The following PITX3 variants were observed in gnomAD, a reference collection of about 807,000 sequenced individuals.
PITX3 encodes paired like homeodomain 3, also known as pituitary homeobox 3.
PITX3 carries 4 observed loss-of-function variants against 14.2 expected under a neutral mutation model. The observed-to-expected ratio is 0.28, with a 90% CI of 0.14 to 0.65. The LOEUF is 0.65. PITX3 is among the 30% of genes least tolerant of loss of function. PITX3 has a pLI of 0.82. For missense variants in PITX3, 358 were observed against 426.8 expected (o/e 0.84, Z 1.42); for synonymous variants, 194 against 204.5 (o/e 0.95, Z 0.44).
In PITX3 at chr10:102,230,572, C is replaced by T. The variant is rs774698043; in HGVS notation, c.851G>A (p.Gly284Glu). 1 of 1,611,506 alleles carries T rather than the reference C, an allele frequency of 6.2e-7. No individual in the cohort carries two copies. Among genetic ancestry groups the T allele is most frequent in the Non-Finnish European group, 8.5e-7 (1 of 1,179,142 alleles). The change falls in exon 4 of 4, where the codon GGG becomes GAG. Residue 284 changes from glycine (G) to glutamate (E), a missense_variant. Around this residue, in one of 3 missense-constraint regions of PITX3, gnomAD observed 236 missense variants for 250.2 expected, o/e 0.94. Transcript: ENST00000370002. ...HASFSYPAVH[G>E]PPPAANLSPC... ...ACTAAGGTTGGCTGCCGGGGGCGGC[C>T]CGTGCACAGCGGGGTAGCTGAAGGA...
At position 102,230,577 on chromosome 10, in the gene PITX3, C is replaced by G; in HGVS notation, c.846G>C (p.Val282=). 6.2e-7 allele frequency: 1 copy of G among 1,611,614 alleles called. No individual in the cohort carries two copies. Among genetic ancestry groups the G allele is most frequent in the African/African-American group, 1.3e-5 (1 of 75,040 alleles). ...GGTTGGCTGCCGGGGGCGGCCCGTG[C>G]ACAGCGGGGTAGCTGAAGGAGGCGT... ...KQHASFSYPA[V]HGPPPAANLS... is the part of the protein sequence containing the mutation. The change falls in exon 4 of 4, where the codon GTG becomes GTC. Residue 282 remains valine, a synonymous_variant. Coordinates refer to ENST00000370002, the MANE Select transcript of PITX3 (RefSeq NM_005029.4).
rs922940677 is a variant in PITX3 at position 102,230,356 on chromosome 10, C to T, written c.*158G>A. ...GTAGGGCCTAGTCCACCCCTCAGGG[C>T]TGGGAGGGGAAGGCCCTCTCCTGAG... On this transcript the variant is annotated 3_prime_UTR_variant, in exon 4 of 4. Transcript: ENST00000370002. 4 of 1,156,458 alleles carry T rather than the reference C, an allele frequency of 3.5e-6. No individual in the cohort carries two copies. In the African/African-American group the frequency reaches 6.2e-5, roughly 18 times the overall value. 71.6% of individuals were successfully genotyped at this position (1,156,458 alleles called of 1,614,324 possible). A position where few individuals can be genotyped will look rare whatever the true frequency, so the allele number is the denominator to read the frequency against.
rs1287784542 is a variant in PITX3, at chr10:102,230,457, C to T, written c.*57G>A. 1.9e-6 allele frequency: 3 copies of T among 1,560,068 alleles called. No individual in the cohort carries two copies. Among genetic ancestry groups the T allele is most frequent in the Middle Eastern group, 2.3e-4 (1 of 4,380 alleles). On this transcript the variant is annotated 3_prime_UTR_variant, in exon 4 of 4. Transcript: ENST00000370002. ...CAAGCCAGTCAAAATGACCCCAGTC[C>T]GCGGAGGCTGTGAATCGTTGCCCCC...
chr10:102,231,460 C>T (rs1014872503), intron 3 of PITX3, 128 bp downstream of exon 3: 14 of 658,746 alleles, frequency 2.1e-5, no homozygotes, highest in Non-Finnish European at 3.4e-5. Context: ...GGGGCTGCGG[C>T]CGGGAGCCAG....
intron 1 of PITX3, among the ~76,000 whole-genome samples, chr10:102,238,533 C>T (rs1368669654): frequency 6.6e-6 from 1 of 152,216 alleles, no homozygotes; most frequent in East Asian, 1.9e-4. Context: ...ATTAAGATCC[C>T]TCCTATGGCT....
intron 1 of PITX3, 47 bp from the exon 2 acceptor site, chr10:102,232,139 C>T: frequency 9.3e-7 from 1 of 1,074,490 alleles, no homozygotes; most frequent in Non-Finnish European, 1.4e-6. Context: ...GGTAAAATCT[C>T]CGGCTTAGCT....
chr10:102,241,147 G>T lies in PITX3; in HGVS notation c.-13+186C>A, dbSNP rs529360444. 6.6e-6 allele frequency among the ~76,000 whole-genome samples: 1 copy of T among 152,210 alleles called. No homozygotes were observed. Among genetic ancestry groups the T allele is most frequent in the South Asian group, 2.1e-4 (1 of 4,824 alleles). On this transcript the variant is annotated intron_variant, in intron 1 of 3. Coordinates refer to ENST00000370002, the MANE Select transcript of PITX3 (RefSeq NM_005029.4). The surrounding 1 kb of genome is among the most constrained non-coding windows in gnomAD (Gnocchi z 6.7). ...TGAGTCTCCCCCTTCCCTATCCCCT[G>T]GTTCTTACCCTGAGTTTCCCTTTTC...
chr10:102,237,711 A>G (rs1413741381), intron 1 of PITX3, among the ~76,000 whole-genome samples: 1 of 152,040 alleles, frequency 6.6e-6, no homozygotes, highest in African/African-American at 2.4e-5. Context: ...ATGCAAACAA[A>G]TTTTTCGTTC....
chr10:102,239,596 G>C (rs187400707), intron 1 of PITX3, among the ~76,000 whole-genome samples: 1 of 152,342 alleles, frequency 6.6e-6, no homozygotes, highest in African/African-American at 2.4e-5. Context: ...ATGGACATGG[G>C]AGTATGGGGA....
Position 102,230,483 on chromosome 10 carries a change from G to A in PITX3, c.*31C>T. On this transcript the variant is annotated 3_prime_UTR_variant, in exon 4 of 4. Transcript: ENST00000370002. ...GCGGAGGCTGTGAATCGTTGCCCCC[G>A]CCCTCGGGGATGATCTACGGGCGGG... The A allele has an allele frequency of 1.9e-6, 3 of 1,588,832 alleles. No homozygotes were observed. Among genetic ancestry groups the A allele is most frequent in the East Asian group, 4.6e-5 (2 of 43,800 alleles).
At chr10:102,231,940 C>G in intron 2 of PITX3, 23 bp downstream of exon 2, 2 of 1,588,898 alleles carry the variant, frequency 1.3e-6, no homozygotes, top group East Asian at 4.5e-5. Context: ...ATGTCCTGCA[C>G]CCCCGGAAGG....
intron 3 of PITX3, 22 bp from the exon 4 acceptor site, chr10:102,231,123 G>T (rs1031814958): frequency 6.6e-6 from 10 of 1,509,314 alleles, no homozygotes; most frequent in Middle Eastern, 1.8e-4. Context: ...GGAGAAAGGC[G>T]GTCAGGGCCC....
rs922940677 is a variant in PITX3, at chr10:102,230,356, C to G, written c.*158G>C. On this transcript the variant is annotated 3_prime_UTR_variant, in exon 4 of 4. Transcript: ENST00000370002. ...GTAGGGCCTAGTCCACCCCTCAGGG[C>G]TGGGAGGGGAAGGCCCTCTCCTGAG... The G allele has an allele frequency of 1.7e-6, 2 of 1,156,574 alleles. No homozygotes were observed. The highest frequency in any genetic ancestry group is 3.1e-5 in the African/African-American group (2 of 64,626). 71.6% of individuals were successfully genotyped at this position (1,156,574 alleles called of 1,614,324 possible). A position where few individuals can be genotyped will look rare whatever the true frequency, so the allele number is the denominator to read the frequency against.
chr10:102,231,002 C>T lies in PITX3; in HGVS notation c.421G>A (p.Val141Met), dbSNP rs764331094. The change falls in exon 4 of 4, where the codon GTG (valine) becomes ATG (methionine). Residue 141 changes from valine to methionine, a missense_variant. By Grantham distance (21) the Val-to-Met change is conservative (BLOSUM62 1). Coordinates refer to ENST00000370002, the MANE Select transcript of PITX3 (RefSeq NM_005029.4). ...GSFAAPLGGL[V>M]PPYEEVYPGY... ...GGGTACACCTCCTCGTAGGGCGGCA[C>T]CAGCCCCCCGAGCGGCGCCGCGAAG... The T allele has an allele frequency of 6.3e-7, 1 of 1,599,914 alleles. No individual in the cohort carries two copies. Among genetic ancestry groups the T allele is most frequent in the Non-Finnish European group, 8.5e-7 (1 of 1,175,098 alleles).
chr10:102,230,673 G>C lies in PITX3; in HGVS notation c.750C>G (p.Ala250=). Residue 250 remains alanine, a synonymous_variant, in exon 4 of 4, where the codon GCC becomes GCG. Transcript: ENST00000370002. ...ASAAAAAAAA[A]SSPYVYRDPC... is the part of the protein sequence containing the mutation. ...GGTCCCGATAGACGTAGGGGGAAGA[G>C]GCGGCAGCCGCGGCGGCGGCGGCGG... The C allele has an allele frequency of 6.3e-7, 1 of 1,586,514 alleles. No individual in the cohort carries two copies. The highest frequency in any genetic ancestry group is 1.1e-5 in the South Asian group (1 of 87,828).
Position 102,230,410 on chromosome 10 carries a change from C to G in PITX3, c.*104G>C. On this transcript the variant is annotated 3_prime_UTR_variant, in exon 4 of 4. Coordinates refer to ENST00000370002, the MANE Select transcript of PITX3 (RefSeq NM_005029.4). The stretch of plus-strand genomic sequence containing the variant: ...GTGCCCCCCAGCTGCCCAAACACCC[C>G]TTTCAGACCCTGGGGCGGGAGCAAG... 1 of 1,496,488 alleles carries G rather than the reference C, an allele frequency of 6.7e-7. No homozygotes were observed. The highest frequency in any genetic ancestry group is 2.1e-5 in the Admixed American group (1 of 48,208). The allele number at this position is 1,496,488 out of a possible 1,614,324, so 92.7% of individuals were successfully genotyped here. A position where few individuals can be genotyped will look rare whatever the true frequency, so the allele number is the denominator to read the frequency against.
rs1036845837 is a variant in PITX3 at position 102,231,070 on chromosome 10, C to T, written c.353G>A (p.Arg118Gln). 6.4e-7 allele frequency: 1 copy of T among 1,564,834 alleles called. No homozygotes were observed. The highest frequency in any genetic ancestry group is 8.6e-7 in the Non-Finnish European group (1 of 1,158,474). ...GGCCTGCTGGCTGCGCTCGCGCTTC[C>T]GCCATTTGGCGCGCCGGTTCTTGAA... ...VWFKNRRAKW[R>Q]KRERSQQAEL... Residue 118 changes from arginine (R) to glutamine (Q), a missense_variant, in exon 4 of 4, where the codon CGG (arginine) becomes CAG (glutamine). This residue lies in a region of PITX3 where 50 missense variants were observed against 96.7 expected (regional missense o/e 0.52). Coordinates refer to ENST00000370002, the MANE Select transcript of PITX3 (RefSeq NM_005029.4).
chr10:102,230,984 C>T lies in PITX3; in HGVS notation c.439G>A (p.Val147Met). 2.5e-6 allele frequency: 4 copies of T among 1,605,720 alleles called. No homozygotes were observed. Among genetic ancestry groups the T allele is most frequent in the South Asian group, 2.2e-5 (2 of 90,168 alleles). The change falls in exon 4 of 4, where the codon GTG becomes ATG. Residue 147 changes from valine to methionine, a missense_variant. Physicochemically the swap from Val to Met is conservative, Grantham distance 21. Around this residue, in one of 3 missense-constraint regions of PITX3, gnomAD observed 236 missense variants for 250.2 expected, o/e 0.94. Transcript: ENST00000370002. ...LGGLVPPYEE[V>M]YPGYSYGNWP... ...TTGCCGTACGAGTAGCCGGGGTACACCTCCTCGTAGGGCGGCACCAGCCCC... is the reference window on the plus strand; with the variant it reads ...TTGCCGTACGAGTAGCCGGGGTACATCTCCTCGTAGGGCGGCACCAGCCCC...
intron 1 of PITX3, among the ~76,000 whole-genome samples, chr10:102,239,142 G>C (rs1411963358): frequency 6.6e-6 from 1 of 152,126 alleles, no homozygotes; most frequent in Non-Finnish European, 1.5e-5. Flanking sequence ...GCCCTCACCA[G>C]CAACCCCTGG....
Sources: gnomAD v4.1 joint callset for allele counts (sites outside exome capture counted in the v4.1 genomes callset) on GRCh38, gnomAD v4.1.1 for gene constraint, gnomAD v4.1.1 regional missense constraint, Gnocchi (gnomAD v3.1) non-coding constraint, MANE v1.5 for transcripts, NCBI Gene and HGNC (gene_info 2026-07-23, HGNC 2026-07-21) for gene names.